The following ZNF362 variants were observed in gnomAD, a reference collection of about 807,000 sequenced individuals.
ZNF362 encodes rotund homolog.
Under a neutral mutation model 42.9 loss-of-function variants are expected in ZNF362, and 11 were observed. That is an observed-to-expected ratio of 0.26 (90% CI 0.16 to 0.42). The LOEUF (loss-of-function observed/expected upper bound fraction) is 0.42, where lower values mean the gene tolerates loss of function less well. Ranked by LOEUF, ZNF362 falls within the 20% of genes least tolerant of loss-of-function variation. ZNF362 has a pLI of 1.00. For missense variants in ZNF362, 362 were observed against 576.2 expected (o/e 0.63, Z 3.81); for synonymous variants, 255 against 257.3 (o/e 0.99, Z 0.09).
chr1:33,195,243 A>C, the ZNF362 span: 1 of 152,154 alleles, frequency 6.6e-6, no homozygotes, highest in African/African-American at 2.4e-5. Context: ...ACTGAGGTTT[A>C]ACTAATCTCA....
At chr1:33,192,416 A>G in the ZNF362 span, among the ~76,000 whole-genome samples, 1 of 152,240 alleles carries the variant, frequency 6.6e-6, no homozygotes, top group Non-Finnish European at 1.5e-5. Context: ...CTTGGGATCT[A>G]AGACCACTTC....
the ZNF362 span, among the ~76,000 whole-genome samples, chr1:33,224,396 G>C: frequency 6.6e-6 from 1 of 152,202 alleles, no homozygotes; most frequent in East Asian, 1.9e-4. Context: ...CCTAAGTAAG[G>C]AGAGTGTAAA....
At chr1:33,143,807 A>G in the ZNF362 span, among the ~76,000 whole-genome samples, 1 of 152,216 alleles carries the variant, frequency 6.6e-6, no homozygotes, top group South Asian at 2.1e-4. Flanking sequence ...TGCAGAGAGC[A>G]CCCAGTGGCC....
chr1:33,142,262 G>T, the ZNF362 span: 1 of 152,428 alleles, frequency 6.6e-6, no homozygotes, highest in East Asian at 1.9e-4. Flanking sequence ...GCCCAGGTGT[G>T]AGCAGTCAGC....
At chr1:33,161,105 T>C in the ZNF362 span, among the ~76,000 whole-genome samples, 2 of 152,166 alleles carry the variant, frequency 1.3e-5, no homozygotes, top group African/African-American at 4.8e-5. The surrounding 1 kb of genome is among the most constrained non-coding windows in gnomAD (Gnocchi z 4.3). Context: ...AAAAACTGCA[T>C]TGTAGGATTG....
At chr1:33,181,538 G>A in the ZNF362 span, 7 of 1,443,440 alleles carry the variant, frequency 4.8e-6, no homozygotes, top group South Asian at 1.4e-5. The surrounding 1 kb of genome is among the most constrained non-coding windows in gnomAD (Gnocchi z 6.5). Context: ...GACGAGGCCC[G>A]CACAGGCAGG....
At chr1:33,204,475 C>A in the ZNF362 span, among the ~76,000 whole-genome samples, 3 of 152,130 alleles carry the variant, frequency 2.0e-5, no homozygotes, top group Non-Finnish European at 4.4e-5. Flanking sequence ...TGGTTCCATA[C>A]AAATTTTAGA....
chr1:33,189,779 C>T, the ZNF362 span, among the ~76,000 whole-genome samples: 5 of 147,616 alleles, frequency 3.4e-5, no homozygotes, highest in African/African-American at 7.6e-5. Context: ...CTTTGGGTGA[C>T]CCTCACCAGT....
chr1:33,250,811 AAGAAGAAG>A, the ZNF362 span, among the ~76,000 whole-genome samples: 2 of 151,410 alleles, frequency 1.3e-5, no homozygotes, highest in African/African-American at 4.8e-5. Context: ...GAAGGAGAAG[AAGAAGAAG>A]AGAAGAAGAA....
At chr1:33,231,796 G>A in the ZNF362 span, among the ~76,000 whole-genome samples, 1 of 152,128 alleles carries the variant, frequency 6.6e-6, no homozygotes, top group Admixed American at 6.5e-5. Context: ...GACCAAGGGG[G>A]TACAAGGGAC....
chr1:33,229,553 C>T, the ZNF362 span, among the ~76,000 whole-genome samples: 1 of 151,974 alleles, frequency 6.6e-6, no homozygotes, highest in African/African-American at 2.4e-5. Flanking sequence ...ATTACAGGTG[C>T]CCACCACCAC....
chr1:33,255,439 G>T (rs1287250826), upstream of ZNF362, among the ~76,000 whole-genome samples: 1 of 151,350 alleles, frequency 6.6e-6, no homozygotes, highest in African/African-American at 2.4e-5. Flanking sequence ...GTCGGGGGGT[G>T]GTGGATGCCA....
the ZNF362 span, chr1:33,181,475 G>A: frequency 1.3e-6 from 2 of 1,535,984 alleles, no homozygotes; most frequent in South Asian, 1.2e-5. This position sits in a 1 kb window ranked among gnomAD's most constrained non-coding sequence, Gnocchi z 6.5. Context: ...GGGCAGGGGG[G>A]CGGCTGAGAG....
At chr1:33,286,152 A>C (rs1303909421) in intron 6 of ZNF362, among the ~76,000 whole-genome samples, 1 of 152,234 alleles carries the variant, frequency 6.6e-6, no homozygotes, top group Non-Finnish European at 1.5e-5. Context: ...CAAGGGAGCA[A>C]ATCTTTGGTG....
At position 33,270,539 on chromosome 1, in the gene ZNF362, C is replaced by T. The variant is rs772663119; in HGVS notation, c.-36C>T. 5.0e-6 allele frequency: 7 copies of T among 1,413,120 alleles called. No individual in the cohort carries two copies. The highest frequency in any genetic ancestry group is 2.3e-5 in the East Asian group (1 of 43,896). The allele number at this position is 1,413,120 out of a possible 1,614,324, so 87.5% of individuals were successfully genotyped here. A position where few individuals can be genotyped will look rare whatever the true frequency, so the allele number is the denominator to read the frequency against. On this transcript the variant is annotated 5_prime_UTR_variant, in exon 2 of 9. Coordinates refer to ENST00000539719, the MANE Select transcript of ZNF362 (RefSeq NM_152493.3). ...CTGGCTGGGGGTTCAGGGAAAGCTCCGTAGAAGAGGGAACACTTGAGCTGG... is the reference window on the plus strand; with the variant it reads ...CTGGCTGGGGGTTCAGGGAAAGCTCTGTAGAAGAGGGAACACTTGAGCTGG...
the ZNF362 span, among the ~76,000 whole-genome samples, chr1:33,246,994 A>T: frequency 6.6e-6 from 1 of 152,170 alleles, no homozygotes; most frequent in Non-Finnish European, 1.5e-5. Context: ...AATAAAGCTG[A>T]TGTTCAAGAG....
the ZNF362 span, chr1:33,180,886 G>T: frequency 1.7e-6 from 1 of 592,794 alleles, no homozygotes; most frequent in Non-Finnish European, 2.7e-6. Flanking sequence ...CTCCTGATAG[G>T]GCCCTGACCT....
chr1:33,276,127 C>G lies in ZNF362; in HGVS notation c.66C>G (p.Pro22=). Residue 22 remains proline, a synonymous_variant, in exon 3 of 9, where the codon CCC becomes CCG. Transcript: ENST00000539719. ...SRMAEPRFNN[P]YFWPPPPTMP... ...TGGCCGAGCCTCGATTTAACAACCC[C>G]TACTTCTGGCCCCCTCCTCCCACCA... 1.2e-6 allele frequency: 2 copies of G among 1,614,060 alleles called. No homozygotes were observed. Among genetic ancestry groups the G allele is most frequent in the Non-Finnish European group, 8.5e-7 (1 of 1,180,010 alleles).
the ZNF362 span, among the ~76,000 whole-genome samples, chr1:33,210,196 T>C: frequency 2.0e-4 from 30 of 152,364 alleles, no homozygotes; most frequent in African/African-American, 6.5e-4. Context: ...CCAGTAGTCA[T>C]TCAGGAGCAG....
Sources: allele counts gnomAD v4.1 joint callset (sites outside exome capture counted in the v4.1 genomes callset), GRCh38; gene constraint gnomAD v4.1.1; non-coding constraint Gnocchi (gnomAD v3.1); transcripts MANE v1.5; gene names NCBI Gene and HGNC (gene_info 2026-07-23, HGNC 2026-07-21).